KIF13B: variants seen among roughly 807,000 people sequenced by gnomAD.
The protein encoded by KIF13B is kinesin family member 13B, also known as kinesin-like protein KIF13B.
In KIF13B, 127 loss-of-function variants were observed where a neutral mutation model predicts 222.0. The ratio of observed to expected loss-of-function variants is 0.57; its 90% CI spans 0.50 to 0.66. The LOEUF is 0.66. Ranked by LOEUF, KIF13B falls within the 30% of genes least tolerant of loss-of-function variation. KIF13B has a pLI of 0.00. For synonymous variants in KIF13B, 976 were observed against 919.0 expected, an observed-to-expected ratio of 1.06 and a Z score of -1.12; for missense variants, 2,173 against 2,379.0, an observed-to-expected ratio of 0.91 and a Z score of 1.80.
chr8:29,082,049 A>G (rs1475069401), intron 37 of KIF13B, among the ~76,000 whole-genome samples: 2 of 152,214 alleles, frequency 1.3e-5, no homozygotes, highest in African/African-American at 4.8e-5. Flanking sequence ...CTAAGATTTC[A>G]TTTATTTACT....
intron 2 of KIF13B, among the ~76,000 whole-genome samples, chr8:29,232,629 T>C (rs910709619): frequency 2.0e-5 from 3 of 152,130 alleles, no homozygotes; most frequent in Admixed American, 6.5e-5. Flanking sequence ...CTTAGGAATA[T>C]TTTTAAATTT....
In KIF13B at chr8:29,176,121, T is replaced by G; in HGVS notation, c.892A>C (p.Asn298His). 1 of 1,613,844 alleles carries G rather than the reference T, an allele frequency of 6.2e-7. No homozygotes were observed. The highest frequency in any genetic ancestry group is 1.1e-5 in the South Asian group (1 of 91,036). The part of the protein sequence containing the change: ...SALADQSAGK[N>H]KNKFVPYRDS... Reference sequence around the variant, plus strand: ...CGATATGGAACAAATTTATTCTTGTTTTTGCCAGCACTCTGATCTGCAAGA... The same window carrying G: ...CGATATGGAACAAATTTATTCTTGTGTTTGCCAGCACTCTGATCTGCAAGA... Residue 298 changes from asparagine (N) to histidine (H), a missense_variant, in exon 10 of 40, where the codon AAC (asparagine) becomes CAC (histidine). Asn to His is a moderately conservative substitution (Grantham distance 68). This residue lies in a region of KIF13B where 1,480 missense variants were observed against 1,722.8 expected (regional missense o/e 0.86). Transcript: ENST00000524189.
chr8:29,109,989 C>T lies in KIF13B; in HGVS notation c.4012G>A (p.Ala1338Thr). 6.2e-7 allele frequency: 1 copy of T among 1,610,946 alleles called. No homozygotes were observed. The highest frequency in any genetic ancestry group is 8.5e-7 in the Non-Finnish European group (1 of 1,178,646). Residue 1338 changes from alanine (A) to threonine (T), a missense_variant, in exon 33 of 40, where the codon GCT becomes ACT. Around this residue, in one of 2 missense-constraint regions of KIF13B, gnomAD observed 1,480 missense variants for 1,722.8 expected, o/e 0.86. Coordinates refer to ENST00000524189, the MANE Select transcript of KIF13B (RefSeq NM_015254.4). ...CTCCTGAGGTACTTTTCAATATAAG[C>T]CTCCGAGTCAGCAGAAGCTGGGTTT... ...VENPASADSE[A>T]YIEKYLRSVL...
At position 29,248,515 on chromosome 8, in the gene KIF13B, CAGAGA is replaced by C. The variant is rs368724796; in HGVS notation, c.56-3081_56-3077del. Among the ~76,000 whole-genome samples, 275 of 152,270 alleles carry C rather than the reference CAGAGA, an allele frequency of 1.8e-3. 2 individuals are homozygous for C. The highest frequency in any genetic ancestry group is 0.017 in the Middle Eastern group (5 of 294). ...GCGAAAGGCACATCTCACATGGCAG[CAGAGA>C]AGAGAAGGACAGCCAAGCGAACAGG... On this transcript the variant is annotated intron_variant, in intron 1 of 39. Transcript: ENST00000524189.
chr8:29,091,973 CTTTAG>C (rs958378903), intron 37 of KIF13B, among the ~76,000 whole-genome samples: 2 of 152,186 alleles, frequency 1.3e-5, no homozygotes. Context: ...TTAGAAAATT[CTTTAG>C]TTAAGTCTCA....
rs765257864 is a variant in KIF13B at position 29,142,140 on chromosome 8, T to C, written c.2334+17A>G. On this transcript the variant is annotated intron_variant, in intron 19 of 39. Coordinates refer to ENST00000524189, the MANE Select transcript of KIF13B (RefSeq NM_015254.4). ...TCCATAATTACCAATTAAGTGATTT[T>C]CTCTTAAATAACTTACTGGGTTATC... 7.2e-5 allele frequency: 116 copies of C among 1,604,248 alleles called. No homozygotes were observed. Among genetic ancestry groups the C allele is most frequent in the Non-Finnish European group, 8.9e-5 (104 of 1,172,278 alleles).
intron 1 of KIF13B, among the ~76,000 whole-genome samples, chr8:29,257,196 T>C (rs557275902): frequency 6.6e-6 from 1 of 152,358 alleles, no homozygotes; most frequent in Non-Finnish European, 1.5e-5. Flanking sequence ...GAATGACTAA[T>C]GGATACCATT....
chr8:29,177,471 A>T lies in KIF13B; in HGVS notation c.828T>A (p.Ile276=), dbSNP rs900315061. ...TAAGCTTTGAGAGCACTTACTTGTTAATGTTGCTCCCTTCCTTCAGCCTGT... is the reference window on the plus strand; with the variant it reads ...TAAGCTTTGAGAGCACTTACTTGTTTATGTTGCTCCCTTCCTTCAGCCTGT... ...AGDRLKEGSN[I]NKSLTTLGLV... is the part of the protein sequence containing the mutation. Residue 276 remains isoleucine, a synonymous_variant, in exon 9 of 40, where the codon ATT becomes ATA. Transcript: ENST00000524189. The T allele has an allele frequency of 1.9e-6, 3 of 1,597,480 alleles. No homozygotes were observed. Among genetic ancestry groups the T allele is most frequent in the African/African-American group, 2.7e-5 (2 of 74,746 alleles).
At chr8:29,094,326 G>A (rs1392537436) in intron 36 of KIF13B, among the ~76,000 whole-genome samples, 1 of 152,182 alleles carries the variant, frequency 6.6e-6, no homozygotes, top group Non-Finnish European at 1.5e-5. Flanking sequence ...CAAGAACCTG[G>A]CCTACTGTGC....
intron 2 of KIF13B, among the ~76,000 whole-genome samples, chr8:29,225,035 G>C (rs1814957630): frequency 6.6e-6 from 1 of 152,256 alleles, no homozygotes; most frequent in South Asian, 2.1e-4. Flanking sequence ...GAAAAAAGTG[G>C]AGAGAAGGAA....
intron 13 of KIF13B, among the ~76,000 whole-genome samples, chr8:29,157,653 T>C (rs1811595530): frequency 6.6e-6 from 1 of 151,752 alleles, no homozygotes; most frequent in Non-Finnish European, 1.5e-5. Context: ...TGCAGTGAGC[T>C]GAGATCGTGC....
intron 9 of KIF13B, among the ~76,000 whole-genome samples, chr8:29,177,052 T>TG (rs372245630): frequency 9.2e-5 from 14 of 152,296 alleles, no homozygotes; most frequent in African/African-American, 3.4e-4. Context: ...CTTAGACCAG[T>TG]GGTTCTCAAC....
In KIF13B at chr8:29,134,168, G is replaced by A; in HGVS notation, c.2656C>T (p.His886Tyr). ...QATGLPQHLS[H>Y]FVFCKYSFWD... ...AAGCTGTATTTGCAGAACACAAAGT[G>A]GGACAGATGCTGTGGCAACCCAGTA... Residue 886 changes from histidine to tyrosine, a missense_variant, in exon 22 of 40, where the codon CAC (histidine) becomes TAC (tyrosine). By Grantham distance (83) the His-to-Tyr change is moderately conservative. This residue lies in a region of KIF13B where 1,480 missense variants were observed against 1,722.8 expected (regional missense o/e 0.86). Transcript: ENST00000524189. 1.2e-6 allele frequency: 2 copies of A among 1,613,984 alleles called. No homozygotes were observed. Among genetic ancestry groups the A allele is most frequent in the Non-Finnish European group, 1.7e-6 (2 of 1,179,870 alleles).
At position 29,070,700 on chromosome 8, in the gene KIF13B, A is replaced by T; in HGVS notation, c.5285T>A (p.Val1762Asp). 1 of 1,561,524 alleles carries T rather than the reference A, an allele frequency of 6.4e-7. No homozygotes were observed. Among genetic ancestry groups the T allele is most frequent in the Non-Finnish European group, 8.7e-7 (1 of 1,153,406 alleles). The change falls in exon 40 of 40, where the codon GTC (valine) becomes GAC (aspartate). Residue 1762 changes from valine to aspartate, a missense_variant. By Grantham distance (152) the Val-to-Asp change is radical. This residue lies in a region of KIF13B where 693 missense variants were observed against 656.2 expected (regional missense o/e 1.06). Coordinates refer to ENST00000524189, the MANE Select transcript of KIF13B (RefSeq NM_015254.4). The surrounding 1 kb of genome is among the most constrained non-coding windows in gnomAD (Gnocchi z 4.1). ...GGCCCTGCGGACCCGGCTGGGCCTG[A>T]CCAGCAGCCCGTAGCCAGGGTTACA... ...FRCNPGYGLL[V>D]RPSRVRRATG...
At chr8:29,087,695 G>C (rs1390944531) in intron 37 of KIF13B, among the ~76,000 whole-genome samples, 2 of 152,148 alleles carry the variant, frequency 1.3e-5, no homozygotes, top group Admixed American at 6.5e-5. Flanking sequence ...TGCAAGCCCA[G>C]GGGGAACTCT....
chr8:29,092,321 G>C (rs1808337105), intron 37 of KIF13B, among the ~76,000 whole-genome samples: 1 of 152,156 alleles, frequency 6.6e-6, no homozygotes, highest in African/African-American at 2.4e-5. Context: ...GAAAGAACAG[G>C]TTATCCACAG....
intron 37 of KIF13B, among the ~76,000 whole-genome samples, chr8:29,079,033 A>G (rs1252924598): frequency 6.6e-6 from 1 of 152,220 alleles, no homozygotes; most frequent in African/African-American, 2.4e-5. Context: ...TTGGAATAAA[A>G]GCTGTTTTGG....
chr8:29,117,157 G>C (rs1348522507), intron 30 of KIF13B, 150 bp from the exon 31 acceptor site: 2 of 557,794 alleles, frequency 3.6e-6, no homozygotes, highest in Non-Finnish European at 6.1e-6. Context: ...AGACAATGGA[G>C]TGTGACAGTG....
At chr8:29,105,772 C>T (rs1030638949) in intron 35 of KIF13B, among the ~76,000 whole-genome samples, 1 of 147,154 alleles carries the variant, frequency 6.8e-6, no homozygotes, top group Non-Finnish European at 1.5e-5. Flanking sequence ...AATTCTCCTG[C>T]CTCAGCCTTC....
Sources: allele counts gnomAD v4.1 joint callset (sites outside exome capture counted in the v4.1 genomes callset), GRCh38; gene constraint gnomAD v4.1.1; regional missense constraint gnomAD v4.1.1; non-coding constraint Gnocchi (gnomAD v3.1); transcripts MANE v1.5; gene names NCBI Gene and HGNC (gene_info 2026-07-23, HGNC 2026-07-21).